PRKG1: variants seen among roughly 807,000 people sequenced by gnomAD.
PRKG1 encodes protein kinase cGMP-dependent 1.
In PRKG1, 35 loss-of-function variants were observed where a neutral mutation model predicts 88.1. The ratio of observed to expected loss-of-function variants is 0.40; its 90% CI spans 0.30 to 0.53. PRKG1 has a LOEUF of 0.53. Ranked by LOEUF, PRKG1 falls within the 20% of genes least tolerant of loss-of-function variation. PRKG1 has a pLI of 0.59. For missense variants in PRKG1, 540 were observed against 839.8 expected (o/e 0.64, Z 4.41); for synonymous variants, 303 against 292.5 (o/e 1.04, Z -0.37).
chr10:52,288,486 C>T (rs1564546997), intron 14 of PRKG1, among the ~76,000 whole-genome samples: 1 of 152,054 alleles, frequency 6.6e-6, no homozygotes, highest in Non-Finnish European at 1.5e-5. Flanking sequence ...GCTTAGACTC[C>T]AGCACTTAAA....
chr10:51,133,014 G>A (rs1845608858), intron 1 of PRKG1, among the ~76,000 whole-genome samples: 1 of 152,106 alleles, frequency 6.6e-6, no homozygotes, highest in South Asian at 2.1e-4. Context: ...CTTGGTGTCT[G>A]CATTTTAACT....
intron 3 of PRKG1, among the ~76,000 whole-genome samples, chr10:51,766,311 A>C (rs566259297): frequency 6.6e-6 from 1 of 152,244 alleles, no homozygotes; most frequent in South Asian, 2.1e-4. Flanking sequence ...CTGTCCTCCT[A>C]GTGCGCATGC....
chr10:51,219,311 A>C (rs1457280194), intron 2 of PRKG1, among the ~76,000 whole-genome samples: 1 of 152,186 alleles, frequency 6.6e-6, no homozygotes, highest in Non-Finnish European at 1.5e-5. Flanking sequence ...GCACTGGTCT[A>C]AATTCTGGGG....
chr10:51,939,690 G>A (rs527546119), intron 5 of PRKG1, among the ~76,000 whole-genome samples: 1 of 151,792 alleles, frequency 6.6e-6, no homozygotes, highest in South Asian at 2.1e-4. Flanking sequence ...ACTTTAGGGA[G>A]TAGAGTCCTT....
intron 2 of PRKG1, among the ~76,000 whole-genome samples, chr10:51,400,607 AAACAAATTGT>A (rs1837711132): frequency 6.6e-6 from 1 of 152,248 alleles, no homozygotes; most frequent in African/African-American, 2.4e-5. Context: ...GGGATTCAGT[AAACAAATTGT>A]AACTATAGTG....
At chr10:51,551,234 T>C (rs974558564) in intron 3 of PRKG1, among the ~76,000 whole-genome samples, 1 of 151,854 alleles carries the variant, frequency 6.6e-6, no homozygotes, top group Non-Finnish European at 1.5e-5. Context: ...ACCTCAAACA[T>C]ATGGACCTCA....
At position 52,032,240 on chromosome 10, in the gene PRKG1, T is replaced by C. The variant is rs1021611814; in HGVS notation, c.763-22244T>C. Among the ~76,000 whole-genome samples the C allele has an allele frequency of 3.3e-4, 50 of 152,204 alleles. 1 individual carries two copies. Among genetic ancestry groups the C allele is most frequent in the African/African-American group, 1.2e-3 (48 of 41,462 alleles). On this transcript the variant is annotated intron_variant, in intron 5 of 17. Coordinates refer to ENST00000373980, the MANE Select transcript of PRKG1 (RefSeq NM_006258.4). ...TGTTACTAACCTGTTCTTTTTTTTCTTTCTTAGACTAAGGAAAACTGTTTG... is the reference window on the plus strand; with the variant it reads ...TGTTACTAACCTGTTCTTTTTTTTCCTTCTTAGACTAAGGAAAACTGTTTG...
intron 2 of PRKG1, among the ~76,000 whole-genome samples, chr10:51,204,470 T>G (rs1047645424): frequency 6.6e-6 from 1 of 152,062 alleles, no homozygotes; most frequent in African/African-American, 2.4e-5. Context: ...GATTACATTT[T>G]CCAAATTCTC....
chr10:51,278,873 A>T (rs10822595), intron 2 of PRKG1, among the ~76,000 whole-genome samples: 2 of 151,850 alleles, frequency 1.3e-5, no homozygotes, highest in Non-Finnish European at 2.9e-5. Flanking sequence ...GCTAGCGGTC[A>T]ATCAATTTTA....
At chr10:51,838,735 T>C (rs903765798) in intron 4 of PRKG1, among the ~76,000 whole-genome samples, 1 of 151,968 alleles carries the variant, frequency 6.6e-6, no homozygotes, top group Non-Finnish European at 1.5e-5. Context: ...TGAAAGCTAG[T>C]AGGTCTAGGA....
At chr10:51,225,595 C>T (rs1385001687) in intron 2 of PRKG1, among the ~76,000 whole-genome samples, 1 of 151,968 alleles carries the variant, frequency 6.6e-6, no homozygotes, top group East Asian at 1.9e-4. Flanking sequence ...TCTGCCATTG[C>T]TAAAGTAGAA....
intron 5 of PRKG1, among the ~76,000 whole-genome samples, chr10:51,947,756 C>G (rs954438469): frequency 3.9e-5 from 6 of 152,140 alleles, no homozygotes; most frequent in African/African-American, 1.4e-4. Flanking sequence ...GGATGTCAGA[C>G]CAGCCACAGG....
intron 9 of PRKG1, among the ~76,000 whole-genome samples, chr10:52,189,053 T>C (rs1839295177): frequency 6.6e-6 from 1 of 152,172 alleles, no homozygotes; most frequent in South Asian, 2.1e-4. Context: ...AAATATGCAA[T>C]GTTATTTGAG....
intron 4 of PRKG1, among the ~76,000 whole-genome samples, chr10:51,825,519 T>A (rs923891315): frequency 6.6e-6 from 1 of 152,112 alleles, no homozygotes; most frequent in Non-Finnish European, 1.5e-5. Flanking sequence ...AGACACACCC[T>A]GAGCAACAGT....
intron 2 of PRKG1, among the ~76,000 whole-genome samples, chr10:51,316,039 A>G (rs1233048093): frequency 6.6e-5 from 10 of 152,232 alleles, no homozygotes; most frequent in Admixed American, 6.5e-4. Flanking sequence ...AATACTAACC[A>G]GTAACATTCC....
intron 5 of PRKG1, among the ~76,000 whole-genome samples, chr10:51,925,496 T>C (rs1233010423): frequency 6.6e-6 from 1 of 152,120 alleles, no homozygotes; most frequent in Non-Finnish European, 1.5e-5. Context: ...TTTCTCCTTA[T>C]CAAAGACTAG....
At chr10:51,939,227 A>T (rs1242483149) in intron 5 of PRKG1, among the ~76,000 whole-genome samples, 3 of 151,994 alleles carry the variant, frequency 2.0e-5, no homozygotes, top group Non-Finnish European at 4.4e-5. Context: ...TAGAATCTAA[A>T]CTTATTTAAT....
At chr10:51,163,529 C>T (rs887045156) in intron 2 of PRKG1, among the ~76,000 whole-genome samples, 3 of 152,146 alleles carry the variant, frequency 2.0e-5, no homozygotes, top group African/African-American at 7.2e-5. Flanking sequence ...GAGTGCCAGA[C>T]AATGGGCGCA....
chr10:51,627,929 T>TCTTCCTTCCTTCCTTC (rs1193939359), intron 3 of PRKG1, among the ~76,000 whole-genome samples: 40 of 41,628 alleles, frequency 9.6e-4, no homozygotes, highest in African/African-American at 1.2e-3. Context: ...TCCCTTCCTT[T>TCTTCCTTCCTTCCTTC]CTTCCTTCCT....
Sources: allele counts gnomAD v4.1 joint callset (sites outside exome capture counted in the v4.1 genomes callset), GRCh38; gene constraint gnomAD v4.1.1; transcripts MANE v1.5; gene names NCBI Gene and HGNC (gene_info 2026-07-23, HGNC 2026-07-21).